FANCA: variants seen among roughly 807,000 people sequenced by gnomAD.
FANCA encodes FA complementation group A, also known as Fanconi anemia group A protein.
Under a neutral mutation model 194.3 loss-of-function variants are expected in FANCA, and 236 were observed. The observed-to-expected ratio is 1.21, with a 90% CI of 1.09 to 1.35. The LOEUF (loss-of-function observed/expected upper bound fraction) is 1.35, where lower values mean the gene tolerates loss of function less well. FANCA is among the 40% of genes most tolerant of loss of function. The probability of loss-of-function intolerance (pLI) is 0.00; values close to 1 mark genes in which losing one functional copy is unlikely to be tolerated. For missense variants in FANCA, 2,628 were observed against 1,813.9 expected, an observed-to-expected ratio of 1.45 and a Z score of -8.15; for synonymous variants, 1,014 against 715.8, an observed-to-expected ratio of 1.42 and a Z score of -6.65.
In FANCA at chr16:89,746,825, T is replaced by C. The variant is rs1269046351; in HGVS notation, c.3408+6A>G. ...GGCCACGAGAGGGGCTGAGGGAGCA[T>C]CTCACCCTGAAGAAGTGGGCAGTGA... On this transcript the variant is annotated splice_donor_region_variant and intron_variant, in intron 34 of 42. Coordinates refer to ENST00000389301, the MANE Select transcript of FANCA (RefSeq NM_000135.4). 2.6e-6 allele frequency: 4 copies of C among 1,566,918 alleles called. No individual in the cohort carries two copies. The highest frequency in any genetic ancestry group is 1.9e-5 in the Admixed American group (1 of 52,932).
intron 5 of FANCA, among the ~76,000 whole-genome samples, chr16:89,810,238 G>C (rs928862493): frequency 1.3e-5 from 2 of 151,374 alleles, no homozygotes; most frequent in Non-Finnish European, 2.9e-5. Context: ...CAGGAGAATG[G>C]CGTGAACCTG....
intron 14 of FANCA, among the ~76,000 whole-genome samples, chr16:89,789,105 G>C (rs1325410488): frequency 1.3e-5 from 2 of 151,982 alleles, no homozygotes. Flanking sequence ...CTCACTAAAA[G>C]GACAGAACAA....
chr16:89,763,916 A>G (rs1598100181), intron 28 of FANCA, among the ~76,000 whole-genome samples: 1 of 98,424 alleles, frequency 1.0e-5, no homozygotes, highest in African/African-American at 5.1e-5. Context: ...GTAAGACTCC[A>G]CCAGAAAAAA....
intron 15 of FANCA, among the ~76,000 whole-genome samples, 182 bp from the exon 16 acceptor site, chr16:89,783,284 C>G (rs1334390157): frequency 2.0e-5 from 3 of 152,122 alleles, no homozygotes; most frequent in African/African-American, 7.2e-5. Context: ...GGCGCAGCGG[C>G]TTACACCTGT....
chr16:89,796,556 T>A (rs1035369403), intron 10 of FANCA, among the ~76,000 whole-genome samples: 1 of 152,140 alleles, frequency 6.6e-6, no homozygotes. Flanking sequence ...GAGAACACGA[T>A]GTTCTGGGGG....
intron 20 of FANCA, chr16:89,778,279 A>G (rs2039580759): frequency 4.1e-6 from 1 of 246,344 alleles, no homozygotes; most frequent in African/African-American, 2.4e-5. Context: ...CCGCCTGGCC[A>G]ATATGGCAAA....
rs148203537 is a variant in FANCA at position 89,771,703 on chromosome 16, G to A, written c.2126C>T (p.Pro709Leu). 32 of 1,614,012 alleles carry A rather than the reference G, an allele frequency of 2.0e-5. No individual in the cohort carries two copies. Among genetic ancestry groups the A allele is most frequent in the Non-Finnish European group, 1.6e-5 (19 of 1,180,040 alleles). The change falls in exon 23 of 43, where the codon CCG (proline) becomes CTG (leucine). Residue 709 changes from proline (P) to leucine (L), a missense_variant. Coordinates refer to ENST00000389301, the MANE Select transcript of FANCA (RefSeq NM_000135.4). ...CATGTGTTCCCGTGGCTCCAGTCTCGGCGTGTTGATGCTGAGCTGAATCTT... is the reference window on the plus strand; with the variant it reads ...CATGTGTTCCCGTGGCTCCAGTCTCAGCGTGTTGATGCTGAGCTGAATCTT... ...ISKIQLSINT[P>L]RLEPREHMAV...
At chr16:89,749,927 CAGGA>C (rs1412959088) in intron 31 of FANCA, 25 bp from the exon 32 acceptor site, 3 of 1,613,188 alleles carry the variant, frequency 1.9e-6, no homozygotes, top group African/African-American at 1.3e-5. Flanking sequence ...TATGCTGGCA[CAGGA>C]AGGCCTCGGG....
Position 89,737,995 on chromosome 16 carries a change from C to T in FANCA, c.*606G>A. On this transcript the variant is annotated 3_prime_UTR_variant, in exon 43 of 43. Coordinates refer to ENST00000389301, the MANE Select transcript of FANCA (RefSeq NM_000135.4). ...CCCCAGGTGTGAGGTCTGTGGGTTC[C>T]AGTGCAGGCAGCGGGCATCCCTCAA... 1 of 1,614,186 alleles carries T rather than the reference C, an allele frequency of 6.2e-7. No homozygotes were observed. Among genetic ancestry groups the T allele is most frequent in the Non-Finnish European group, 8.5e-7 (1 of 1,180,050 alleles).
chr16:89,781,566 C>T (rs556132460), intron 17 of FANCA, among the ~76,000 whole-genome samples: 1 of 149,264 alleles, frequency 6.7e-6, no homozygotes, highest in South Asian at 2.1e-4. Flanking sequence ...GTCTGAGCTA[C>T]TGGAGAGGCT....
intron 28 of FANCA, chr16:89,762,647 T>C (rs1036486963): frequency 3.3e-6 from 1 of 301,198 alleles, no homozygotes; most frequent in African/African-American, 2.3e-5. Context: ...CCTTCATTTA[T>C]TTTTGGAAAC....
At chr16:89,797,623 A>T (rs967703279) in intron 10 of FANCA, among the ~76,000 whole-genome samples, 6 of 151,886 alleles carry the variant, frequency 4.0e-5, no homozygotes, top group Non-Finnish European at 8.8e-5. Context: ...CACGCCTGTA[A>T]TCCCAGTACT....
intron 17 of FANCA, among the ~76,000 whole-genome samples, chr16:89,780,800 C>T (rs2039674353): frequency 6.6e-6 from 1 of 151,840 alleles, no homozygotes; most frequent in Non-Finnish European, 1.5e-5. Flanking sequence ...CATGGTGGCG[C>T]ACACTTGTAC....
intron 22 of FANCA, among the ~76,000 whole-genome samples, chr16:89,772,219 T>G (rs571227827): frequency 6.6e-6 from 1 of 152,324 alleles, no homozygotes; most frequent in South Asian, 2.1e-4. Context: ...GAAAACCGCT[T>G]TGCTTTTAGA....
At chr16:89,750,932 G>A (rs539405245) in intron 31 of FANCA, among the ~76,000 whole-genome samples, 25 of 152,298 alleles carry the variant, frequency 1.6e-4, no homozygotes, top group African/African-American at 5.3e-4. Context: ...CAGTCCGGTT[G>A]CCCAGGCTGG....
rs1189106357 is a variant in FANCA at position 89,739,555 on chromosome 16, T to G, written c.3935-2A>C. The G allele has an allele frequency of 6.4e-7, 1 of 1,551,074 alleles. No homozygotes were observed. Among genetic ancestry groups the G allele is most frequent in the Non-Finnish European group, 8.7e-7 (1 of 1,147,002 alleles). Reference sequence around the variant, plus strand: ...GGAGGAGCCGCCCCAGCCTGAGGTCTGCAACACCAAGAAGTGGCTCAGGCA... The same window carrying G: ...GGAGGAGCCGCCCCAGCCTGAGGTCGGCAACACCAAGAAGTGGCTCAGGCA... On this transcript the variant is annotated splice_acceptor_variant, in intron 39 of 42. Coordinates refer to ENST00000389301, the MANE Select transcript of FANCA (RefSeq NM_000135.4). LOFTEE classifies it high-confidence loss of function.
intron 27 of FANCA, among the ~76,000 whole-genome samples, chr16:89,766,737 G>T (rs1007441074): frequency 6.6e-6 from 1 of 151,452 alleles, no homozygotes; most frequent in Non-Finnish European, 1.5e-5. Flanking sequence ...AAATTCCTTT[G>T]TCTGAACAAT....
chr16:89,754,079 G>A (rs1422559158), intron 30 of FANCA, among the ~76,000 whole-genome samples: 2 of 151,812 alleles, frequency 1.3e-5, no homozygotes, highest in Non-Finnish European at 2.9e-5. Flanking sequence ...AAAATTAGCT[G>A]GGCATGGTGG....
At chr16:89,745,446 A>G (rs527456185) in intron 35 of FANCA, among the ~76,000 whole-genome samples, 1 of 147,098 alleles carries the variant, frequency 6.8e-6, no homozygotes, top group Non-Finnish European at 1.5e-5. Flanking sequence ...AAGGGACCAC[A>G]CTCCTCTGAG....
Sources: gnomAD v4.1 joint callset for allele counts (sites outside exome capture counted in the v4.1 genomes callset) on GRCh38, gnomAD v4.1.1 for gene constraint, MANE v1.5 for transcripts, NCBI Gene and HGNC (gene_info 2026-07-23, HGNC 2026-07-21) for gene names.